The following IL23R variants were observed in gnomAD, a reference collection of about 807,000 sequenced individuals.
IL23R encodes interleukin-23 receptor.
A neutral mutation model predicts 56.9 loss-of-function variants in IL23R; 34 were observed. The ratio of observed to expected loss-of-function variants is 0.60; its 90% confidence interval spans 0.45 to 0.80. IL23R has a LOEUF of 0.80. Ranked by LOEUF, IL23R falls within the 30% of genes least tolerant of loss-of-function variation. IL23R has a pLI of 0.00. For synonymous variants in IL23R, 230 were observed against 249.2 expected, an observed-to-expected ratio of 0.92 and a Z score of 0.73; for missense variants, 635 against 730.0, an observed-to-expected ratio of 0.87 and a Z score of 1.50.
intron 6 of IL23R, among the ~76,000 whole-genome samples, chr1:67,208,770 A>G (rs1413201166): frequency 1.3e-5 from 2 of 152,160 alleles, no homozygotes; most frequent in Non-Finnish European, 2.9e-5. Flanking sequence ...GCCTCCACAC[A>G]GAGTCCCTAG....
chr1:67,222,098 C>CTTTTTT (rs1558251147), intron 7 of IL23R, among the ~76,000 whole-genome samples: 1 of 89,794 alleles, frequency 1.1e-5, no homozygotes, highest in African/African-American at 4.6e-5. Context: ...TTCTTTCTTT[C>CTTTTTT]TTTCTTTTTT....
intron 3 of IL23R, among the ~76,000 whole-genome samples, chr1:67,171,821 C>T (rs988035566): frequency 1.3e-5 from 2 of 152,128 alleles, no homozygotes; most frequent in African/African-American, 4.8e-5. Context: ...CACCACCTTC[C>T]GTGTGTTGCA....
At chr1:67,219,831 C>T in intron 7 of IL23R, 101 bp downstream of exon 7, 1 of 1,143,992 alleles carries the variant, frequency 8.7e-7, no homozygotes, top group Non-Finnish European at 1.3e-6. Context: ...TTTGAGAGGC[C>T]AAGGCAGGAA....
At chr1:67,162,783 C>T (rs1227151665), upstream of IL23R, among the ~76,000 whole-genome samples, 1 of 152,220 alleles carries the variant, frequency 6.6e-6, no homozygotes, top group Non-Finnish European at 1.5e-5. Context: ...CAAGGCAATG[C>T]ACTACATGAG....
chr1:67,233,930 TGTGTGTG>T (rs534285931), intron 7 of IL23R, among the ~76,000 whole-genome samples: 320 of 5,954 alleles, frequency 0.054, 1 homozygote, highest in African/African-American at 0.069. Flanking sequence ...TCATAAAGGC[TGTGTGTG>T]TGTGTGTGTG....
chr1:67,247,324 G>A (rs1652296157), intron 9 of IL23R, among the ~76,000 whole-genome samples: 1 of 147,468 alleles, frequency 6.8e-6, no homozygotes, highest in Non-Finnish European at 1.5e-5. Flanking sequence ...TTTTTTTTGA[G>A]ATGGAGTTTC....
chr1:67,180,119 A>G (rs12995285), intron 3 of IL23R, among the ~76,000 whole-genome samples: 1 of 152,182 alleles, frequency 6.6e-6, no homozygotes, highest in Non-Finnish European at 1.5e-5. Context: ...AGAGTTCTGT[A>G]GATGTCTATT....
At chr1:67,264,177 G>A (rs1158837461), downstream of IL23R, among the ~76,000 whole-genome samples, 1 of 152,126 alleles carries the variant, frequency 6.6e-6, no homozygotes, top group African/African-American at 2.4e-5. Context: ...TGAGATTAAT[G>A]ACTGCAAAAA....
chr1:67,220,744 G>A (rs905112698), intron 7 of IL23R, among the ~76,000 whole-genome samples: 5 of 152,114 alleles, frequency 3.3e-5, no homozygotes, highest in South Asian at 4.2e-4. Flanking sequence ...GGTGGCCCAC[G>A]CCCATAGTCC....
At chr1:67,155,396 G>A (rs1646762818) in intron 1 of IL23R, among the ~76,000 whole-genome samples, 2 of 152,114 alleles carry the variant, frequency 1.3e-5, no homozygotes, top group Non-Finnish European at 1.5e-5. Context: ...TTCCAACTTG[G>A]TTCCATTCTC....
chr1:67,146,647 T>C (rs1179497158), intron 1 of IL23R, among the ~76,000 whole-genome samples: 1 of 152,176 alleles, frequency 6.6e-6, no homozygotes, highest in Non-Finnish European at 1.5e-5. Flanking sequence ...TCTCTTCCCT[T>C]GGATTCAAGT....
In IL23R at chr1:67,240,216, C is replaced by A; in HGVS notation, c.1083C>A (p.Ile361=). The part of the protein sequence containing the change: ...RGDIGLLLGM[I]VFAVMLSILS... ...ACATTGGACTTTTATTGGGAATGAT[C>A]GTCTTTGCTGTTATGTTGTCAATTC... The change falls in exon 9 of 11, where the codon ATC becomes ATA. Residue 361 remains isoleucine, a synonymous_variant. Transcript: ENST00000347310. 6.2e-7 allele frequency: 1 copy of A among 1,612,564 alleles called. No individual in the cohort carries two copies. Among genetic ancestry groups the A allele is most frequent in the Non-Finnish European group, 8.5e-7 (1 of 1,178,768 alleles).
intron 4 of IL23R, among the ~76,000 whole-genome samples, chr1:67,199,322 T>C (rs1376010708): frequency 1.3e-5 from 2 of 152,118 alleles, no homozygotes; most frequent in Non-Finnish European, 2.9e-5. Flanking sequence ...GTCCAGGAGG[T>C]TGGCCTTCCC....
intron 5 of IL23R, among the ~76,000 whole-genome samples, chr1:67,205,605 A>G (rs1648948032): frequency 6.6e-6 from 1 of 152,180 alleles, no homozygotes; most frequent in Admixed American, 6.5e-5. Flanking sequence ...CCAACTATAT[A>G]CCTCCTACTA....
chr1:67,163,271 C>G (rs1009282352), upstream of IL23R, among the ~76,000 whole-genome samples: 10 of 151,754 alleles, frequency 6.6e-5, no homozygotes, highest in Admixed American at 6.6e-4. Context: ...GAGTTTGAGA[C>G]CAGCCTGGCC....
intron 1 of IL23R, among the ~76,000 whole-genome samples, chr1:67,147,296 C>G (rs930983516): frequency 6.6e-6 from 1 of 152,180 alleles, no homozygotes; most frequent in African/African-American, 2.4e-5. Flanking sequence ...CCCCATTCTT[C>G]TTCCATTAAT....
At chr1:67,143,330 T>C (rs908429863) in intron 1 of IL23R, among the ~76,000 whole-genome samples, 10 of 152,224 alleles carry the variant, frequency 6.6e-5, no homozygotes, top group African/African-American at 2.4e-4. Flanking sequence ...GGTACTATTG[T>C]CTTATTTTTG....
chr1:67,145,898 T>C (rs1027765988), intron 1 of IL23R, among the ~76,000 whole-genome samples: 1 of 152,152 alleles, frequency 6.6e-6, no homozygotes, highest in Non-Finnish European at 1.5e-5. Flanking sequence ...GCAGAAGTGA[T>C]ATTTTGTAGT....
chr1:67,225,860 C>A (rs183198635), intron 7 of IL23R, among the ~76,000 whole-genome samples: 3 of 152,078 alleles, frequency 2.0e-5, no homozygotes, highest in Non-Finnish European at 4.4e-5. Flanking sequence ...CTTTGCCAAG[C>A]GATACTTCTG....
Sources: gnomAD v4.1 joint callset for allele counts (sites outside exome capture counted in the v4.1 genomes callset) on GRCh38, gnomAD v4.1.1 for gene constraint, MANE v1.5 for transcripts, NCBI Gene and HGNC (gene_info 2026-07-23, HGNC 2026-07-21) for gene names.